ALOX5: variants seen among roughly 807,000 people sequenced by gnomAD.
ALOX5 encodes arachidonate 5-lipoxygenase.
A neutral mutation model predicts 87.9 loss-of-function variants in ALOX5; 64 were observed. That is an observed-to-expected ratio of 0.73 (90% CI 0.60 to 0.90). The LOEUF is 0.90. Among genes scored for constraint, ALOX5 ranks in the 40% least tolerant of loss-of-function variants. The pLI is 0.00. For synonymous variants in ALOX5, 388 were observed against 355.1 expected (o/e 1.09, Z -1.04); for missense variants, 822 against 907.5 (o/e 0.91, Z 1.21).
Position 45,433,214 on chromosome 10 carries a change from C to T in ALOX5, c.981+4450C>T, listed in dbSNP as rs567296069. Among the ~76,000 whole-genome samples, 11 of 152,348 alleles carry T rather than the reference C, an allele frequency of 7.2e-5. No individual in the cohort carries two copies. The South Asian group carries it at 1.5e-3, about 20-fold the overall frequency. On this transcript the variant is annotated intron_variant, in intron 7 of 13. Transcript: ENST00000374391. ...TGAGTTGTTGCAGCCTGGCAGTGTT[C>T]ACGGGATAACTGGTGGGCCTGGGCA...
At chr10:45,427,830 G>A (rs1022987257) in intron 6 of ALOX5, among the ~76,000 whole-genome samples, 1 of 152,114 alleles carries the variant, frequency 6.6e-6, no homozygotes, top group Non-Finnish European at 1.5e-5. Context: ...TCACCGGCAC[G>A]CTCGTTGCGT....
chr10:45,421,843 A>G (rs772247871), intron 4 of ALOX5, among the ~76,000 whole-genome samples: 2 of 152,232 alleles, frequency 1.3e-5, no homozygotes, highest in Non-Finnish European at 2.9e-5. Context: ...GCAGCCCATC[A>G]CAAAGCCAGC....
intron 7 of ALOX5, among the ~76,000 whole-genome samples, chr10:45,437,111 G>C (rs895848619): frequency 2.1e-4 from 32 of 152,204 alleles, no homozygotes; most frequent in African/African-American, 6.0e-4. Flanking sequence ...CCAGCACTTT[G>C]GGAGGCCGAG....
intron 7 of ALOX5, among the ~76,000 whole-genome samples, chr10:45,437,936 A>T (rs1181978279): frequency 6.6e-6 from 1 of 152,250 alleles, no homozygotes; most frequent in African/African-American, 2.4e-5. Context: ...TGCTAAAAAA[A>T]CTTTTTGTCT....
Position 45,385,802 on chromosome 10 carries a change from T to G in ALOX5, c.349+3121T>G, listed in dbSNP as rs536906381. On this transcript the variant is annotated intron_variant, in intron 2 of 13. Transcript: ENST00000374391. ...GAGGTATCCCGTTAATATTCCTTTT[T>G]GGACCCCAGTTCCAAGCTCAAGGAT... Among the ~76,000 whole-genome samples the G allele has an allele frequency of 6.6e-5, 10 of 152,338 alleles. No individual in the cohort carries two copies. The South Asian group carries it at 2.1e-3, about 32-fold the overall frequency.
At chr10:45,377,036 T>G (rs1480282298) in intron 1 of ALOX5, among the ~76,000 whole-genome samples, 1 of 152,210 alleles carries the variant, frequency 6.6e-6, no homozygotes, top group African/African-American at 2.4e-5. Flanking sequence ...ATCTGAAGAT[T>G]TCTGAGAAAT....
In ALOX5 at chr10:45,438,658, G is replaced by A. The variant is rs1292616020; in HGVS notation, c.982-1772G>A. ...AGTGGCCCAGGCATCTCATGCAAAC[G>A]GGTGTGGCAGTGGGGACCCTGAGAG... On this transcript the variant is annotated intron_variant, in intron 7 of 13. Transcript: ENST00000374391. Among the ~76,000 whole-genome samples the A allele has an allele frequency of 3.9e-5, 6 of 152,176 alleles. No homozygotes were observed. The East Asian group carries it at 7.7e-4, about 20-fold the overall frequency.
chr10:45,407,518 T>A (rs1840927882), intron 3 of ALOX5, among the ~76,000 whole-genome samples: 1 of 152,118 alleles, frequency 6.6e-6, no homozygotes, highest in Non-Finnish European at 1.5e-5. Context: ...TATGCCTTTC[T>A]CTGAAGGTGA....
chr10:45,408,230 T>C (rs145733694), intron 3 of ALOX5, among the ~76,000 whole-genome samples: 370 of 152,320 alleles, frequency 2.4e-3, no homozygotes, highest in African/African-American at 7.9e-3. Flanking sequence ...CAGTGGCCCA[T>C]GATGCAGCCC....
chr10:45,378,062 T>TC (rs1411105659), intron 1 of ALOX5, among the ~76,000 whole-genome samples: 1 of 152,016 alleles, frequency 6.6e-6, no homozygotes, highest in African/African-American at 2.4e-5. Flanking sequence ...CACGTGTGAA[T>TC]CCCCCGGGGA....
chr10:45,416,934 GGATA>G (rs1433760503), intron 4 of ALOX5, among the ~76,000 whole-genome samples: 27 of 151,414 alleles, frequency 1.8e-4, no homozygotes, highest in Non-Finnish European at 2.2e-4. Context: ...AGAGATGGAT[GGATA>G]GATGGATGGA....
chr10:45,430,195 C>T (rs1841861896), intron 7 of ALOX5, among the ~76,000 whole-genome samples: 4 of 152,216 alleles, frequency 2.6e-5, no homozygotes, highest in South Asian at 4.1e-4. Flanking sequence ...AGCCTGGAGT[C>T]AGGGGCCTAG....
rs934270863 is a variant in ALOX5, at chr10:45,413,477, G to A, written c.554+1164G>A. 1.2e-4 allele frequency among the ~76,000 whole-genome samples: 19 copies of A among 152,168 alleles called. 2 individuals carry two copies. The stretch of plus-strand genomic sequence containing the variant: ...AAGAGCTATTTATGACAGACCCACA[G>A]CCAATATCATACTGAAGGAGCAAAA... On this transcript the variant is annotated intron_variant, in intron 4 of 13. Transcript: ENST00000374391.
chr10:45,391,667 C>T (rs55789336), intron 2 of ALOX5, among the ~76,000 whole-genome samples: 19,826 of 151,604 alleles, frequency 0.13, 1,525 homozygotes, highest in Non-Finnish European at 0.17. Flanking sequence ...TGCCTGGCCG[C>T]CCATCGTCTG....
chr10:45,379,062 C>T lies in ALOX5; in HGVS notation c.151-3421C>T, dbSNP rs188550237. The stretch of plus-strand genomic sequence containing the variant: ...TGCTGGAGGGTCACCCCACTGTCCA[C>T]TCCCTCAGAGAAGCTGCTCAGTCTC... On this transcript the variant is annotated intron_variant, in intron 1 of 13. Coordinates refer to ENST00000374391, the MANE Select transcript of ALOX5 (RefSeq NM_000698.5). 2.3e-3 allele frequency among the ~76,000 whole-genome samples: 351 copies of T among 152,270 alleles called. 2 individuals carry two copies. The highest frequency in any genetic ancestry group is 7.9e-3 in the African/African-American group (330 of 41,542).
intron 4 of ALOX5, among the ~76,000 whole-genome samples, chr10:45,420,903 GC>G (rs1260799523): frequency 7.2e-5 from 11 of 152,372 alleles, no homozygotes; most frequent in Middle Eastern, 6.8e-3. Context: ...CAGAAATGCG[GC>G]CCGTCCTGGG....
At chr10:45,400,336 A>C (rs1477623450) in intron 3 of ALOX5, among the ~76,000 whole-genome samples, 1 of 152,248 alleles carries the variant, frequency 6.6e-6, no homozygotes, top group African/African-American at 2.4e-5. Context: ...GCGGAGGCTC[A>C]CACCTGTAAT....
chr10:45,394,349 T>C (rs1386971316), intron 2 of ALOX5, among the ~76,000 whole-genome samples: 1 of 152,198 alleles, frequency 6.6e-6, no homozygotes, highest in Non-Finnish European at 1.5e-5. Context: ...AAACAAGCAA[T>C]GGGGAAAGGA....
At chr10:45,394,729 A>C (rs1443206685) in intron 2 of ALOX5, among the ~76,000 whole-genome samples, 2 of 152,244 alleles carry the variant, frequency 1.3e-5, no homozygotes, top group African/African-American at 4.8e-5. Context: ...TAATATCCAG[A>C]ATCTACAAAC....
Sources: allele counts gnomAD v4.1 joint callset (sites outside exome capture counted in the v4.1 genomes callset), GRCh38; gene constraint gnomAD v4.1.1; transcripts MANE v1.5; gene names NCBI Gene and HGNC (gene_info 2026-07-23, HGNC 2026-07-21).